IQCH: variants seen among roughly 807,000 people sequenced by gnomAD.
IQCH encodes the protein IQ motif containing H, also known as IQ domain-containing protein H.
A neutral mutation model predicts 117.0 loss-of-function variants in IQCH; 98 were observed. That is an observed-to-expected ratio of 0.84 (90% CI 0.71 to 0.99). The LOEUF is 0.99. IQCH is among the 50% of genes least tolerant of loss of function. The pLI is 0.00. For synonymous variants in IQCH, 412 were observed against 448.2 expected (o/e 0.92, Z 1.02); for missense variants, 1,102 against 1,243.8 (o/e 0.89, Z 1.72).
intron 6 of IQCH, among the ~76,000 whole-genome samples, chr15:67,355,397 G>A (rs568397000): frequency 1.3e-5 from 2 of 151,804 alleles, no homozygotes; most frequent in East Asian, 1.9e-4. Flanking sequence ...CCAGCCTGTC[G>A]AACACAGTGA....
intron 4 of IQCH, among the ~76,000 whole-genome samples, chr15:67,319,023 C>T (rs1188297159): frequency 2.6e-5 from 4 of 152,090 alleles, no homozygotes; most frequent in African/African-American, 4.8e-5. Context: ...GTCAGGAGCT[C>T]GAGACCATCC....
chr15:67,278,785 T>C (rs538384667), intron 3 of IQCH, among the ~76,000 whole-genome samples: 10 of 152,332 alleles, frequency 6.6e-5, no homozygotes, highest in African/African-American at 2.4e-4. Flanking sequence ...GTCCTAATTA[T>C]ATTGATAATC....
At position 67,481,093 on chromosome 15, in the gene IQCH, G is replaced by A. The variant is rs1218126942; in HGVS notation, c.2799+5275G>A. 6.6e-6 allele frequency among the ~76,000 whole-genome samples: 1 copy of A among 152,102 alleles called. No individual in the cohort carries two copies. The highest frequency in any genetic ancestry group is 1.5e-5 in the Non-Finnish European group (1 of 68,016). The stretch of plus-strand genomic sequence containing the variant: ...CAATTAAAACTCAGCCTTGCAATAT[G>A]AGTCAAATTAAATGTATGACTATAA... On this transcript the variant is annotated intron_variant, in intron 18 of 20. Transcript: ENST00000335894. This position sits in a 1 kb window ranked among gnomAD's most constrained non-coding sequence, Gnocchi z 4.1.
chr15:67,320,864 T>C (rs796245252), intron 4 of IQCH, among the ~76,000 whole-genome samples: 1 of 152,184 alleles, frequency 6.6e-6, no homozygotes, highest in South Asian at 2.1e-4. Context: ...TTGGGAAACA[T>C]GAGGTTAAAG....
intron 4 of IQCH, among the ~76,000 whole-genome samples, chr15:67,290,233 T>C (rs1321087981): frequency 2.0e-5 from 3 of 152,102 alleles, no homozygotes; most frequent in African/African-American, 4.8e-5. Context: ...TGAATGATTA[T>C]ATAAATTGGT....
At chr15:67,315,635 T>C (rs1212854305) in intron 4 of IQCH, among the ~76,000 whole-genome samples, 1 of 152,210 alleles carries the variant, frequency 6.6e-6, no homozygotes, top group Non-Finnish European at 1.5e-5. Context: ...CTCTATCTGA[T>C]ATTAGAGCCT....
intron 3 of IQCH, among the ~76,000 whole-genome samples, chr15:67,272,676 A>G (rs552423683): frequency 6.6e-6 from 1 of 152,348 alleles, no homozygotes; most frequent in South Asian, 2.1e-4. Context: ...TAATGATATA[A>G]TGACCTTCTT....
Position 67,500,499 on chromosome 15 carries a change from G to A in IQCH, c.2971-134G>A. 1 of 433,122 alleles carries A rather than the reference G, an allele frequency of 2.3e-6. No individual in the cohort carries two copies. The highest frequency in any genetic ancestry group is 8.1e-5 in the South Asian group (1 of 12,412). 26.8% of individuals were successfully genotyped at this position (433,122 alleles called of 1,614,324 possible). On this transcript the variant is annotated intron_variant, in intron 20 of 20. Coordinates refer to ENST00000335894, the MANE Select transcript of IQCH (RefSeq NM_001031715.3). The surrounding 1 kb of genome is among the most constrained non-coding windows in gnomAD (Gnocchi z 4.4). Reference sequence around the variant, plus strand: ...CAAGACTGGTAAGCCATAATCTGTAGACAAATGCCAGTTGGTAGAATACAT... The same window carrying A: ...CAAGACTGGTAAGCCATAATCTGTAAACAAATGCCAGTTGGTAGAATACAT...
Position 67,465,487 on chromosome 15 carries a change from C to T in IQCH, c.2676+190C>T, listed in dbSNP as rs554876616. Among the ~76,000 whole-genome samples, 45 of 152,112 alleles carry T rather than the reference C, an allele frequency of 3.0e-4. No individual in the cohort carries two copies. The highest frequency in any genetic ancestry group is 6.8e-3 in the Middle Eastern group (2 of 294). The stretch of plus-strand genomic sequence containing the variant: ...TCAGAGGAAAGGGAGAAGCCATTCC[C>T]GAATGAACCTGCCATCTGTGGAAAT... On this transcript the variant is annotated intron_variant, in intron 17 of 20. Transcript: ENST00000335894. This position sits in a 1 kb window ranked among gnomAD's most constrained non-coding sequence, Gnocchi z 5.9.
chr15:67,385,109 C>G lies in IQCH; in HGVS notation c.1456+90C>G, dbSNP rs1324183427. The stretch of plus-strand genomic sequence containing the variant: ...TGTTGTTTTGTTTGTTTGTTTTTTG[C>G]TTATTTTTTTCCTCTACAAGGAAAA... On this transcript the variant is annotated intron_variant, in intron 11 of 20. Transcript: ENST00000335894. This position sits in a 1 kb window ranked among gnomAD's most constrained non-coding sequence, Gnocchi z 4.6. 1.6e-5 allele frequency: 13 copies of G among 820,140 alleles called. No individual in the cohort carries two copies. The highest frequency in any genetic ancestry group is 2.4e-5 in the Non-Finnish European group (12 of 508,334). 50.8% of individuals were successfully genotyped at this position (820,140 alleles called of 1,614,324 possible).
At chr15:67,338,241 A>ATCTATCTATTTATCTG (rs1555455398) in intron 5 of IQCH, among the ~76,000 whole-genome samples, 2 of 150,936 alleles carry the variant, frequency 1.3e-5, no homozygotes, top group East Asian at 4.0e-4. Flanking sequence ...CTATCTATCT[A>ATCTATCTATTTATCTG]TCTATCTGTC....
At chr15:67,276,377 G>A (rs912383503) in intron 3 of IQCH, among the ~76,000 whole-genome samples, 6 of 152,166 alleles carry the variant, frequency 3.9e-5, no homozygotes, top group African/African-American at 1.4e-4. Context: ...AGAGAAGAAG[G>A]CAGACCAGCT....
chr15:67,464,836 G>A (rs1312859535), intron 16 of IQCH, among the ~76,000 whole-genome samples: 1 of 152,166 alleles, frequency 6.6e-6, no homozygotes, highest in East Asian at 1.9e-4. Flanking sequence ...CAGGCCATAG[G>A]CAGAAAAATC....
Position 67,417,055 on chromosome 15 carries a change from A to T in IQCH, c.2218+4A>T. 1 of 1,599,988 alleles carries T rather than the reference A, an allele frequency of 6.3e-7. No homozygotes were observed. Among genetic ancestry groups the T allele is most frequent in the East Asian group, 2.3e-5 (1 of 44,096 alleles). On this transcript the variant is annotated splice_donor_region_variant and intron_variant, in intron 15 of 20. Coordinates refer to ENST00000335894, the MANE Select transcript of IQCH (RefSeq NM_001031715.3). This position sits in a 1 kb window ranked among gnomAD's most constrained non-coding sequence, Gnocchi z 4.3. Reference sequence around the variant, plus strand: ...CTCCAAACATTTCTCAGTCAAGGTAAATAAGACTGTAAAGTTTCTATTGAG... The same window carrying T: ...CTCCAAACATTTCTCAGTCAAGGTATATAAGACTGTAAAGTTTCTATTGAG...
intron 4 of IQCH, among the ~76,000 whole-genome samples, chr15:67,317,702 G>C (rs913842057): frequency 6.6e-6 from 1 of 151,698 alleles, no homozygotes; most frequent in Non-Finnish European, 1.5e-5. Context: ...TATCTTCTAG[G>C]GTACCTTACA....
intron 4 of IQCH, among the ~76,000 whole-genome samples, chr15:67,297,252 G>C (rs952545470): frequency 6.6e-6 from 1 of 152,104 alleles, no homozygotes; most frequent in African/African-American, 2.4e-5. Flanking sequence ...CTTAATTTTA[G>C]TTGACATTTT....
chr15:67,406,136 G>A lies in IQCH; in HGVS notation c.2097+5831G>A, dbSNP rs1010033512. On this transcript the variant is annotated intron_variant, in intron 14 of 20. Coordinates refer to ENST00000335894, the MANE Select transcript of IQCH (RefSeq NM_001031715.3). The surrounding 1 kb of genome is among the most constrained non-coding windows in gnomAD (Gnocchi z 4.5). Reference sequence around the variant, plus strand: ...GCCTTTCTCAATTTAATACACTATCGTGATCATTTTAGTGAGCCTGTAAAT... The same window carrying A: ...GCCTTTCTCAATTTAATACACTATCATGATCATTTTAGTGAGCCTGTAAAT... The A allele has an allele frequency of 2.0e-5, 3 of 152,156 alleles. No homozygotes were observed. The highest frequency in any genetic ancestry group is 2.1e-4 in the South Asian group (1 of 4,830). 9.4% of individuals were successfully genotyped at this position (152,156 alleles called of 1,614,324 possible).
intron 10 of IQCH, among the ~76,000 whole-genome samples, chr15:67,377,511 C>T (rs1419902624): frequency 6.6e-6 from 1 of 152,166 alleles, no homozygotes; most frequent in African/African-American, 2.4e-5. Flanking sequence ...CTAAATAAAA[C>T]CTACAGACTA....
At chr15:67,412,392 AGTT>A (rs1413926732) in intron 14 of IQCH, among the ~76,000 whole-genome samples, 7 of 151,964 alleles carry the variant, frequency 4.6e-5, no homozygotes, top group Non-Finnish European at 7.4e-5. Flanking sequence ...TCATTTCACA[AGTT>A]GTTGTTGTCT....
Sources: allele counts gnomAD v4.1 joint callset (sites outside exome capture counted in the v4.1 genomes callset), GRCh38; gene constraint gnomAD v4.1.1; non-coding constraint Gnocchi (gnomAD v3.1); transcripts MANE v1.5; gene names NCBI Gene and HGNC (gene_info 2026-07-23, HGNC 2026-07-21).